SCML4: variants seen among roughly 807,000 people sequenced by gnomAD.
The protein encoded by SCML4 is sex comb on midleg-like protein 4.
SCML4 carries 34 observed loss-of-function variants against 41.1 expected under a neutral mutation model. The observed-to-expected ratio is 0.83, with a 90% CI of 0.63 to 1.10. The LOEUF (loss-of-function observed/expected upper bound fraction) is 1.10. Among genes scored for constraint, SCML4 ranks in the 50% least tolerant of loss-of-function variants. The probability of loss-of-function intolerance (pLI) is 0.00; values close to 1 mark genes in which losing one functional copy is unlikely to be tolerated. For missense variants in SCML4, 522 were observed against 534.1 expected, an observed-to-expected ratio of 0.98 and a Z score of 0.22; for synonymous variants, 214 against 220.9, an observed-to-expected ratio of 0.97 and a Z score of 0.28.
In SCML4 at chr6:107,774,216, T is replaced by C. The variant is rs80254826; in HGVS notation, c.-59-1830A>G. On this transcript the variant is annotated intron_variant, in intron 1 of 7. Coordinates refer to ENST00000369020, the MANE Select transcript of SCML4 (RefSeq NM_198081.5). ...GTTTAAGAAAAATACTCGGTCTCATTGATTCTAAGAAGCATATTTTTCATA... is the reference window on the plus strand; with the variant it reads ...GTTTAAGAAAAATACTCGGTCTCATCGATTCTAAGAAGCATATTTTTCATA... Among the ~76,000 whole-genome samples the C allele has an allele frequency of 8.2e-3, 1,244 of 152,318 alleles. 22 individuals are homozygous for C. The highest frequency in any genetic ancestry group is 0.028 in the African/African-American group (1,178 of 41,570).
At chr6:107,772,768 A>G (rs1780623483) in intron 1 of SCML4, among the ~76,000 whole-genome samples, 1 of 152,182 alleles carries the variant, frequency 6.6e-6, no homozygotes, top group African/African-American at 2.4e-5. Flanking sequence ...TTAAATAAAC[A>G]AAGCCACTCT....
intron 2 of SCML4, among the ~76,000 whole-genome samples, chr6:107,751,089 G>A (rs1038272130): frequency 1.3e-5 from 2 of 152,158 alleles, no homozygotes; most frequent in African/African-American, 4.8e-5. Context: ...AACAGCAGAA[G>A]CAAAGCATAC....
At chr6:107,792,673 A>G (rs1464640290) in intron 1 of SCML4, among the ~76,000 whole-genome samples, 1 of 151,782 alleles carries the variant, frequency 6.6e-6, no homozygotes, top group African/African-American at 2.4e-5. Context: ...CAGAGGTTGC[A>G]GTGAGCTGAG....
chr6:107,796,281 A>C (rs1360921574), intron 1 of SCML4, among the ~76,000 whole-genome samples: 1 of 152,176 alleles, frequency 6.6e-6, no homozygotes, highest in Non-Finnish European at 1.5e-5. Flanking sequence ...TTTCACTCCC[A>C]GCAATGTAAG....
At position 107,705,074 on chromosome 6, in the gene SCML4, C is replaced by T; in HGVS notation, c.*126G>A. 1 of 879,490 alleles carries T rather than the reference C, an allele frequency of 1.1e-6. No homozygotes were observed. Among genetic ancestry groups the T allele is most frequent in the Non-Finnish European group, 1.8e-6 (1 of 554,538 alleles). 54.5% of individuals were successfully genotyped at this position (879,490 alleles called of 1,614,324 possible). A position where few individuals can be genotyped will look rare whatever the true frequency, so the allele number is the denominator to read the frequency against. On this transcript the variant is annotated 3_prime_UTR_variant, in exon 8 of 8. Coordinates refer to ENST00000369020, the MANE Select transcript of SCML4 (RefSeq NM_198081.5). ...AAGATTCACAAGTTTTATAAAAAGA[C>T]CACGTCTCTGTGGCTGTTAATTTTA...
At chr6:107,748,792 C>A (rs918917221) in intron 3 of SCML4, among the ~76,000 whole-genome samples, 1 of 152,136 alleles carries the variant, frequency 6.6e-6, no homozygotes, top group Non-Finnish European at 1.5e-5. Flanking sequence ...CAGGGAGGGG[C>A]TAAGAGAGCC....
intron 2 of SCML4, among the ~76,000 whole-genome samples, chr6:107,766,268 G>A (rs1780029580): frequency 6.6e-6 from 1 of 152,020 alleles, no homozygotes. Context: ...TACTCAGGAG[G>A]CTGAGGCAGA....
At chr6:107,818,371 G>GA (rs1386316305) in intron 1 of SCML4, among the ~76,000 whole-genome samples, 2 of 152,062 alleles carry the variant, frequency 1.3e-5, no homozygotes, top group African/African-American at 4.8e-5. Flanking sequence ...CCTCACGACT[G>GA]AAAAAATAAC....
Position 107,719,973 on chromosome 6 carries a change from T to TA in SCML4, c.973+729dup, listed in dbSNP as rs1173425020. 6.1e-6 allele frequency: 6 copies of TA among 985,370 alleles called. No individual in the cohort carries two copies. The African/African-American group carries it at 1.0e-4, about 17-fold the overall frequency. 61.0% of individuals were successfully genotyped at this position (985,370 alleles called of 1,614,324 possible). On this transcript the variant is annotated intron_variant, in intron 6 of 7. Transcript: ENST00000369020. ...TATTACTATAATCCTTTAGCCCTTA[T>TA]AGCGCTTTTGTAGACTGCATTCCAA...
intron 1 of SCML4, among the ~76,000 whole-genome samples, chr6:107,799,342 C>A (rs1172380582): frequency 1.3e-5 from 2 of 152,106 alleles, no homozygotes; most frequent in African/African-American, 4.8e-5. Flanking sequence ...AACTGCTTGT[C>A]TTTAAGTCTA....
At chr6:107,708,884 A>G (rs1621495) in intron 6 of SCML4, among the ~76,000 whole-genome samples, 107,096 of 152,020 alleles carry the variant, frequency 0.7, 38,125 homozygotes, top group Admixed American at 0.79. Flanking sequence ...GTATGTCCCA[A>G]ACTAATTCAT....
At chr6:107,706,493 GA>G (rs1773642933) in intron 7 of SCML4, among the ~76,000 whole-genome samples, 1 of 152,128 alleles carries the variant, frequency 6.6e-6, no homozygotes, top group Non-Finnish European at 1.5e-5. Context: ...AATAAAATAA[GA>G]AACAGGAAAC....
chr6:107,796,858 G>A (rs571129725), intron 1 of SCML4, among the ~76,000 whole-genome samples: 19 of 152,222 alleles, frequency 1.2e-4, no homozygotes, highest in African/African-American at 4.3e-4. Flanking sequence ...TGTGTATGAT[G>A]TGAGATAAGG....
chr6:107,727,559 G>A (rs968118848), intron 5 of SCML4, among the ~76,000 whole-genome samples: 2 of 137,332 alleles, frequency 1.5e-5, no homozygotes, highest in Non-Finnish European at 2.9e-5. Flanking sequence ...AGCAGCCAAA[G>A]GGTCTGCATG....
chr6:107,795,230 T>C (rs1295583879), intron 1 of SCML4, among the ~76,000 whole-genome samples: 1 of 152,246 alleles, frequency 6.6e-6, no homozygotes, highest in Non-Finnish European at 1.5e-5. Flanking sequence ...AGTCTTTTGC[T>C]GTCATTTAAA....
upstream of SCML4, among the ~76,000 whole-genome samples, chr6:107,826,532 A>G (rs1785266242): frequency 6.6e-6 from 1 of 152,212 alleles, no homozygotes; most frequent in Non-Finnish European, 1.5e-5. Context: ...AATCAGAAAT[A>G]ATCTCCAAGT....
chr6:107,778,016 A>G (rs1487687633), intron 1 of SCML4, among the ~76,000 whole-genome samples: 2 of 151,378 alleles, frequency 1.3e-5, no homozygotes, highest in Non-Finnish European at 2.9e-5. Flanking sequence ...GGAGTTCGAG[A>G]CCAGCCTGGC....
At chr6:107,842,462 A>T in the SCML4 span, among the ~76,000 whole-genome samples, 1 of 152,208 alleles carries the variant, frequency 6.6e-6, no homozygotes, top group Non-Finnish European at 1.5e-5. Context: ...CAGTGGCGCG[A>T]TCTTGGCTCA....
At chr6:107,766,097 G>A (rs1402107726) in intron 2 of SCML4, among the ~76,000 whole-genome samples, 2 of 152,308 alleles carry the variant, frequency 1.3e-5, no homozygotes, top group South Asian at 4.1e-4. Context: ...TTGGCCGGGT[G>A]CAGTCCTCAC....
Sources: gnomAD v4.1 joint callset for allele counts (sites outside exome capture counted in the v4.1 genomes callset) on GRCh38, gnomAD v4.1.1 for gene constraint, MANE v1.5 for transcripts, NCBI Gene and HGNC (gene_info 2026-07-23, HGNC 2026-07-21) for gene names.